Variants in MTMR7 observed in about 807,000 individuals in gnomAD.
The protein encoded by MTMR7 is myotubularin related protein 7, also known as phosphatidylinositol-3-phosphate phosphatase MTMR7.
MTMR7 carries 76 observed loss-of-function variants against 81.2 expected under a neutral mutation model. The ratio of observed to expected loss-of-function variants is 0.94; its 90% confidence interval spans 0.78 to 1.13. The LOEUF is 1.13. Ranked by LOEUF, MTMR7 falls within the 50% of genes most tolerant of loss-of-function variation. The probability of loss-of-function intolerance (pLI) is 0.00; values close to 1 mark genes in which losing one functional copy is unlikely to be tolerated. For missense variants in MTMR7, 1,044 were observed against 820.0 expected, an observed-to-expected ratio of 1.27 and a Z score of -3.34; for synonymous variants, 372 against 289.8, an observed-to-expected ratio of 1.28 and a Z score of -2.88.
At chr8:17,359,314 G>A (rs1171777688) in intron 4 of MTMR7, among the ~76,000 whole-genome samples, 2 of 152,032 alleles carry the variant, frequency 1.3e-5, no homozygotes, top group Admixed American at 6.6e-5. Context: ...GCAAATCCTC[G>A]TGAAACTGGG....
intron 7 of MTMR7, among the ~76,000 whole-genome samples, chr8:17,319,776 G>T (rs1158438301): frequency 1.3e-5 from 2 of 152,164 alleles, no homozygotes; most frequent in African/African-American, 4.8e-5. Context: ...TCTGGCTCCA[G>T]TCTGGCTCTT....
chr8:17,353,876 A>T (rs1173310799), intron 4 of MTMR7, among the ~76,000 whole-genome samples: 1 of 152,016 alleles, frequency 6.6e-6, no homozygotes, highest in African/African-American at 2.4e-5. Context: ...TAACTCTTTC[A>T]CTCATTCAAC....
At chr8:17,370,337 A>G (rs2106021) in intron 3 of MTMR7, among the ~76,000 whole-genome samples, 14,574 of 151,976 alleles carry the variant, frequency 0.096, 978 homozygotes, top group Non-Finnish European at 0.15. Context: ...CCTGGCCAAC[A>G]TGGCAAAACC....
Position 17,298,624 on chromosome 8 carries a change from C to G in MTMR7, c.*1238G>C, listed in dbSNP as rs1382672411. 2 of 152,230 alleles carry G rather than the reference C, an allele frequency of 1.3e-5. No individual in the cohort carries two copies. The highest frequency in any genetic ancestry group is 2.4e-5 in the African/African-American group (1 of 41,334). 9.4% of individuals were successfully genotyped at this position (152,230 alleles called of 1,614,324 possible). On this transcript the variant is annotated 3_prime_UTR_variant, in exon 14 of 14. Coordinates refer to ENST00000180173, the MANE Select transcript of MTMR7 (RefSeq NM_004686.5). ...CCTTTCACATATTCAAAATATTGAT[C>G]TAAATTGTAAAGTTTAATCCTTTTA...
intron 4 of MTMR7, among the ~76,000 whole-genome samples, chr8:17,357,052 C>A (rs1284603537): frequency 6.6e-6 from 1 of 151,880 alleles, no homozygotes; most frequent in Non-Finnish European, 1.5e-5. Flanking sequence ...GACAACAAAA[C>A]ACAACCAACA....
rs200628635 is a variant in MTMR7, at chr8:17,331,144, G to C, written c.865+6C>G. On this transcript the variant is annotated splice_donor_region_variant and intron_variant, in intron 7 of 13. Coordinates refer to ENST00000180173, the MANE Select transcript of MTMR7 (RefSeq NM_004686.5). ...TTTTAATGCTGTGCATAAGGAAATG[G>C]TTTACCTTCCAGCATTTTCTGCAGA... The C allele has an allele frequency of 6.2e-7, 1 of 1,609,646 alleles. No homozygotes were observed. Among genetic ancestry groups the C allele is most frequent in the African/African-American group, 1.3e-5 (1 of 74,740 alleles).
chr8:17,328,091 G>A (rs928861366), intron 7 of MTMR7, among the ~76,000 whole-genome samples: 1 of 152,186 alleles, frequency 6.6e-6, no homozygotes, highest in Non-Finnish European at 1.5e-5. Flanking sequence ...TGGAAGGTAG[G>A]CAGGCACAAA....
chr8:17,334,474 T>C lies in MTMR7; in HGVS notation c.733-3192A>G, dbSNP rs80305393. ...TAGATAAAGCAATAAAGGTAGTCAC[T>C]TCAGTTCCAATTCATGTTTAAGAAA... On this transcript the variant is annotated intron_variant, in intron 6 of 13. Transcript: ENST00000180173. 7.9e-3 allele frequency among the ~76,000 whole-genome samples: 1,199 copies of C among 152,302 alleles called. 11 individuals carry two copies. Among genetic ancestry groups the C allele is most frequent in the Middle Eastern group, 0.034 (10 of 294 alleles).
chr8:17,309,526 G>C lies in MTMR7; in HGVS notation c.1102-200C>G, dbSNP rs73666107. 7.2e-3 allele frequency among the ~76,000 whole-genome samples: 1,095 copies of C among 152,336 alleles called. 24 individuals are homozygous for C. The highest frequency in any genetic ancestry group is 0.025 in the African/African-American group (1,037 of 41,580). On this transcript the variant is annotated intron_variant, in intron 9 of 13. Transcript: ENST00000180173. ...AAGTTGAAGGTCATCCATGGGAACA[G>C]TGAGTGGAAATGGATGTATAAAAAT...
intron 7 of MTMR7, among the ~76,000 whole-genome samples, chr8:17,321,842 CAT>C: frequency 6.6e-6 from 1 of 152,196 alleles, no homozygotes. Flanking sequence ...ATGTCACAAA[CAT>C]ATATAAACTA....
chr8:17,329,556 G>A (rs770308594), intron 7 of MTMR7, among the ~76,000 whole-genome samples: 2 of 152,302 alleles, frequency 1.3e-5, no homozygotes, highest in East Asian at 1.9e-4. Flanking sequence ...AGCCAAATGT[G>A]TATGCTATCA....
At chr8:17,368,047 G>C (rs189853186) in intron 3 of MTMR7, among the ~76,000 whole-genome samples, 31 of 152,070 alleles carry the variant, frequency 2.0e-4, no homozygotes, top group Admixed American at 5.9e-4. Flanking sequence ...CGGTACCAGG[G>C]ACCAGCTTTG....
chr8:17,359,627 C>T (rs1371321177), intron 4 of MTMR7, among the ~76,000 whole-genome samples: 1 of 142,986 alleles, frequency 7.0e-6, no homozygotes, highest in Non-Finnish European at 1.5e-5. Flanking sequence ...GTGACAAGGT[C>T]AAGAAAATAC....
chr8:17,300,339 G>C (rs1357466361), intron 13 of MTMR7, 115 bp from the exon 14 acceptor site: 7 of 1,150,528 alleles, frequency 6.1e-6, no homozygotes, highest in African/African-American at 4.7e-5. Flanking sequence ...AAGAACATGT[G>C]ACTCAGAGGG....
chr8:17,353,472 AAAC>A (rs1819790200), intron 4 of MTMR7, among the ~76,000 whole-genome samples: 1 of 152,200 alleles, frequency 6.6e-6, no homozygotes, highest in Non-Finnish European at 1.5e-5. Flanking sequence ...AGAAAAGGGA[AAAC>A]AATCTTAGCA....
chr8:17,307,612 A>C (rs984242156), intron 10 of MTMR7, among the ~76,000 whole-genome samples: 1 of 152,226 alleles, frequency 6.6e-6, no homozygotes, highest in African/African-American at 2.4e-5. Flanking sequence ...CACTATTCAC[A>C]ATAGCAAAGA....
chr8:17,342,600 T>C lies in MTMR7; in HGVS notation c.598-1103A>G, dbSNP rs117302031. Among the ~76,000 whole-genome samples the C allele has an allele frequency of 5.9e-4, 90 of 152,254 alleles. 1 individual carries two copies. In the East Asian group the frequency reaches 0.016, roughly 27 times the overall value. ...CTCCAAAGGGCTTGGGTGCTCCTTG[T>C]TGGAGAAGGTGGGGACATTTCTCAC... On this transcript the variant is annotated intron_variant, in intron 5 of 13. Transcript: ENST00000180173.
At chr8:17,394,713 A>T (rs1414005978) in intron 1 of MTMR7, among the ~76,000 whole-genome samples, 1 of 152,178 alleles carries the variant, frequency 6.6e-6, no homozygotes, top group Non-Finnish European at 1.5e-5. Context: ...TTTTTTAATT[A>T]TGCCAAAATC....
In MTMR7 at chr8:17,323,706, TC is replaced by T. The variant is rs1157578811; in HGVS notation, c.865+7443del. Among the ~76,000 whole-genome samples, 6 of 152,006 alleles carry T rather than the reference TC, an allele frequency of 3.9e-5. No individual in the cohort carries two copies. The East Asian group carries it at 1.2e-3, about 29-fold the overall frequency. ...CTGAGAAAGCTTCCAGGACCAACAC[TC>T]CTATGAACTTTGAGACTGTATTGTC... On this transcript the variant is annotated intron_variant, in intron 7 of 13. Transcript: ENST00000180173.
Sources: gnomAD v4.1 joint callset for allele counts (sites outside exome capture counted in the v4.1 genomes callset) on GRCh38, gnomAD v4.1.1 for gene constraint, MANE v1.5 for transcripts, NCBI Gene and HGNC (gene_info 2026-07-23, HGNC 2026-07-21) for gene names.